The following STPG2 variants were observed in gnomAD, a reference collection of about 807,000 sequenced individuals.
The protein encoded by STPG2 is sperm tail PG-rich repeat containing 2, also known as sperm-tail PG-rich repeat-containing protein 2.
A neutral mutation model predicts 54.2 loss-of-function variants in STPG2; 56 were observed. The observed-to-expected ratio is 1.03, with a 90% CI of 0.83 to 1.29. The LOEUF (loss-of-function observed/expected upper bound fraction) is 1.29, where lower values mean the gene tolerates loss of function less well. Among genes scored for constraint, STPG2 ranks in the 50% most tolerant of loss-of-function variants. STPG2 has a pLI of 0.00. For synonymous variants in STPG2, 200 were observed against 181.8 expected (o/e 1.10, Z -0.81); for missense variants, 596 against 544.9 (o/e 1.09, Z -0.93).
intron 9 of STPG2, among the ~76,000 whole-genome samples, chr4:97,791,586 T>A (rs1726992420): frequency 6.6e-6 from 1 of 152,134 alleles, no homozygotes; most frequent in African/African-American, 2.4e-5. Context: ...CTTACAAATT[T>A]TTTACAAATA....
chr4:97,702,181 C>T (rs1314491577), intron 10 of STPG2, among the ~76,000 whole-genome samples: 1 of 152,132 alleles, frequency 6.6e-6, no homozygotes, highest in Non-Finnish European at 1.5e-5. Context: ...TACAGTGGGC[C>T]ATCTTTTAAT....
chr4:97,987,485 C>T (rs1734865353), intron 5 of STPG2, among the ~76,000 whole-genome samples: 1 of 152,146 alleles, frequency 6.6e-6, no homozygotes, highest in Admixed American at 6.5e-5. Context: ...TACTTTATAA[C>T]AGATAAGAAT....
chr4:97,866,282 G>A (rs535843940), intron 8 of STPG2, among the ~76,000 whole-genome samples: 3 of 151,942 alleles, frequency 2.0e-5, no homozygotes, highest in South Asian at 2.1e-4. Flanking sequence ...AAGGATAAAT[G>A]CTTGATGTGA....
chr4:98,012,112 T>C (rs908677296), intron 5 of STPG2, among the ~76,000 whole-genome samples: 2 of 146,764 alleles, frequency 1.4e-5, no homozygotes, highest in African/African-American at 5.1e-5. Flanking sequence ...GTCTAATCCA[T>C]CTTGAGTTAA....
intron 9 of STPG2, among the ~76,000 whole-genome samples, chr4:97,727,713 C>A: frequency 1.7e-5 from 2 of 119,896 alleles, no homozygotes; most frequent in African/African-American, 2.5e-5. Context: ...CACGTATGAT[C>A]ATGGATTCCT....
chr4:97,637,173 C>G (rs1018756115), intron 10 of STPG2, among the ~76,000 whole-genome samples: 1 of 152,192 alleles, frequency 6.6e-6, no homozygotes, highest in African/African-American at 2.4e-5. Flanking sequence ...CCCTGGGATG[C>G]AAGGCTGGTT....
At chr4:97,886,229 T>C (rs1043519713) in intron 8 of STPG2, among the ~76,000 whole-genome samples, 1 of 152,032 alleles carries the variant, frequency 6.6e-6, no homozygotes, top group Non-Finnish European at 1.5e-5. Flanking sequence ...CTGAACTTTA[T>C]AGAAAAAAAT....
At chr4:97,865,283 G>T (rs1000476713) in intron 8 of STPG2, among the ~76,000 whole-genome samples, 5 of 152,046 alleles carry the variant, frequency 3.3e-5, no homozygotes, top group Non-Finnish European at 5.9e-5. Flanking sequence ...GTGGACAAAG[G>T]ATATGAAAAG....
chr4:98,082,454 T>C (rs1738376949), intron 5 of STPG2, among the ~76,000 whole-genome samples: 1 of 10,010 alleles, frequency 1.0e-4, no homozygotes, highest in Non-Finnish European at 3.5e-4. Context: ...TTTTTTTTTT[T>C]TTTTTTTTTT....
intron 8 of STPG2, among the ~76,000 whole-genome samples, chr4:97,928,047 C>G (rs903936796): frequency 6.6e-6 from 1 of 152,114 alleles, no homozygotes; most frequent in Non-Finnish European, 1.5e-5. Flanking sequence ...CCTTTCAATC[C>G]TCTGGTAAGT....
rs1211469498 is a variant in STPG2, at chr4:97,559,088, G to A, written c.1350C>T (p.Leu450=). ...EISQEKKKGN[L]IGEMAADIM ...TTATATCAGCAGCCATTTCACCAAT[G>A]AGATTTCCTTTCTTTTTCTCCTGGG... Residue 450 remains leucine (L), a synonymous_variant, in exon 11 of 11, where the codon CTC becomes CTT. Coordinates refer to ENST00000295268, the MANE Select transcript of STPG2 (RefSeq NM_174952.3). The A allele has an allele frequency of 1.2e-6, 2 of 1,602,642 alleles. No homozygotes were observed. Among genetic ancestry groups the A allele is most frequent in the Non-Finnish European group, 1.7e-6 (2 of 1,175,994 alleles).
chr4:98,053,732 G>A (rs1452787812), intron 5 of STPG2, among the ~76,000 whole-genome samples: 1 of 151,940 alleles, frequency 6.6e-6, no homozygotes, highest in Non-Finnish European at 1.5e-5. Flanking sequence ...AACATTAACT[G>A]GTTTCTTTTG....
At chr4:97,901,565 A>C (rs899999501) in intron 8 of STPG2, among the ~76,000 whole-genome samples, 1 of 151,998 alleles carries the variant, frequency 6.6e-6, no homozygotes, top group Non-Finnish European at 1.5e-5. Flanking sequence ...CATTAAGAAA[A>C]CCATCTTATT....
In STPG2 at chr4:97,712,821, G is replaced by T. The variant is rs370690625; in HGVS notation, c.1205-7C>A. 4.6e-6 allele frequency: 7 copies of T among 1,535,800 alleles called. No individual in the cohort carries two copies. Among genetic ancestry groups the T allele is most frequent in the Admixed American group, 3.9e-5 (2 of 51,230 alleles). On this transcript the variant is annotated splice_polypyrimidine_tract_variant and splice_region_variant and intron_variant, in intron 9 of 10. Transcript: ENST00000295268. ...GGATTGTATGCTGCAGGACCTGAGA[G>T]ACAACAAATGTAAAAATTATGATAA...
At chr4:97,731,221 C>T (rs190400390) in intron 9 of STPG2, among the ~76,000 whole-genome samples, 8 of 152,168 alleles carry the variant, frequency 5.3e-5, no homozygotes, top group Admixed American at 3.9e-4. Flanking sequence ...CTGTGGTGTA[C>T]GCTGAGTATA....
At chr4:97,480,979 CA>C (rs1730206505) in intron 4 of STPG2, among the ~76,000 whole-genome samples, 2 of 151,428 alleles carry the variant, frequency 1.3e-5, no homozygotes, top group Non-Finnish European at 3.0e-5. Context: ...TCCCTAAGGA[CA>C]CAAAGATTTC....
intron 6 of STPG2, among the ~76,000 whole-genome samples, chr4:97,979,692 C>T (rs7687901): frequency 0.013 from 1,992 of 151,094 alleles, 53 homozygotes; most frequent in African/African-American, 0.046. Context: ...TAAAGACCAG[C>T]CTGGGCAACG....
intron 8 of STPG2, among the ~76,000 whole-genome samples, chr4:97,856,758 C>T (rs1729350438): frequency 6.6e-6 from 1 of 152,132 alleles, no homozygotes; most frequent in Non-Finnish European, 1.5e-5. Context: ...GGAATGCTTC[C>T]AGGTTTTGTT....
intron 5 of STPG2, among the ~76,000 whole-genome samples, chr4:97,984,561 G>A (rs913127767): frequency 3.9e-5 from 6 of 152,076 alleles, no homozygotes; most frequent in African/African-American, 1.4e-4. Context: ...TCCCTTCAGT[G>A]TAGTTAAGGG....
Sources: allele counts gnomAD v4.1 joint callset (sites outside exome capture counted in the v4.1 genomes callset), GRCh38; gene constraint gnomAD v4.1.1; transcripts MANE v1.5; gene names NCBI Gene and HGNC (gene_info 2026-07-23, HGNC 2026-07-21).